The following KANSL1 variants were observed in gnomAD, a reference collection of about 807,000 sequenced individuals.
KANSL1 encodes KAT8 regulatory NSL complex subunit 1.
In KANSL1, 22 loss-of-function variants were observed where a neutral mutation model predicts 103.6. The observed-to-expected ratio is 0.21, with a 90% CI of 0.15 to 0.30. KANSL1 has a LOEUF of 0.30. KANSL1 is among the 10% of genes least tolerant of loss of function. The pLI is 1.00. For synonymous variants in KANSL1, 600 were observed against 527.6 expected, an observed-to-expected ratio of 1.14 and a Z score of -1.88; for missense variants, 1,337 against 1,399.8, an observed-to-expected ratio of 0.96 and a Z score of 0.72.
rs987760670 is a variant in KANSL1, at chr17:46,164,188, G to C, written c.1289+6667C>G. On this transcript the variant is annotated intron_variant, in intron 2 of 14. Transcript: ENST00000432791. ...ATGACTTTAACACTACCATAAAAGA[G>C]TACGTTCACTTCAGAGAACAAAAAC... 1.1e-4 allele frequency among the ~76,000 whole-genome samples: 16 copies of C among 152,348 alleles called. No homozygotes were observed. The South Asian group carries it at 1.4e-3, about 14-fold the overall frequency.
chr17:46,204,178 C>T (rs111575592), intron 1 of KANSL1, among the ~76,000 whole-genome samples: 3,362 of 151,634 alleles, frequency 0.022, no homozygotes, highest in Non-Finnish European at 0.038. Context: ...ACAAAAAGGC[C>T]GGGTGTGGTG....
intron 2 of KANSL1, among the ~76,000 whole-genome samples, chr17:46,144,203 C>A (rs1437571765): frequency 6.6e-6 from 1 of 152,224 alleles, no homozygotes; most frequent in Non-Finnish European, 1.5e-5. Context: ...TTTAAAAATT[C>A]CCATTACTTG....
chr17:46,206,155 C>A (rs2148001779), intron 1 of KANSL1, among the ~76,000 whole-genome samples: 1 of 150,442 alleles, frequency 6.6e-6, no homozygotes, highest in East Asian at 2.0e-4. Context: ...AGATACAACT[C>A]TGTTAAAATG....
At chr17:46,164,999 C>CCTGAGG (rs1427912826) in intron 2 of KANSL1, among the ~76,000 whole-genome samples, 13 of 152,264 alleles carry the variant, frequency 8.5e-5, no homozygotes, top group Admixed American at 7.8e-4. Context: ...CCCAGTTACT[C>CCTGAGG]CTGAGGCTGA....
intron 13 of KANSL1, chr17:46,032,698 A>G (rs926045563): frequency 9.0e-6 from 3 of 332,088 alleles, no homozygotes; most frequent in Non-Finnish European, 1.6e-5. Flanking sequence ...ATGGACGTTA[A>G]GGGGGGGCAG....
chr17:46,210,104 C>T (rs905855145), intron 1 of KANSL1, among the ~76,000 whole-genome samples: 1 of 152,186 alleles, frequency 6.6e-6, no homozygotes, highest in African/African-American at 2.4e-5. Context: ...GCATGAATAA[C>T]CTTCTGAGGA....
chr17:46,056,247 C>T (rs1032576257), intron 6 of KANSL1, among the ~76,000 whole-genome samples: 9 of 152,182 alleles, frequency 5.9e-5, no homozygotes, highest in African/African-American at 2.2e-4. Flanking sequence ...AATCCACCCA[C>T]CTTGGCCTCC....
intron 2 of KANSL1, among the ~76,000 whole-genome samples, chr17:46,096,580 A>G (rs1351161602): frequency 6.6e-6 from 1 of 151,870 alleles, no homozygotes; most frequent in Admixed American, 6.6e-5. Flanking sequence ...TCGACCTCCC[A>G]AAGTGCTGGG....
intron 1 of KANSL1, among the ~76,000 whole-genome samples, chr17:46,186,449 G>A (rs2047039305): frequency 1.3e-5 from 2 of 151,682 alleles, no homozygotes; most frequent in South Asian, 4.2e-4. Flanking sequence ...CCAAATTCCT[G>A]AGTTCCCACT....
chr17:46,054,271 C>A (rs2077836419), intron 6 of KANSL1, among the ~76,000 whole-genome samples: 1 of 152,214 alleles, frequency 6.6e-6, no homozygotes, highest in Non-Finnish European at 1.5e-5. Flanking sequence ...CCAGGCTGGT[C>A]TCAAACTCCT....
intron 2 of KANSL1, among the ~76,000 whole-genome samples, chr17:46,103,879 T>C (rs181595850): frequency 6.6e-6 from 1 of 152,086 alleles, no homozygotes; most frequent in Non-Finnish European, 1.5e-5. Flanking sequence ...TACAAAAAAA[T>C]TGGCCAGGCG....
intron 2 of KANSL1, among the ~76,000 whole-genome samples, chr17:46,167,134 A>AT: frequency 6.6e-6 from 1 of 152,070 alleles, no homozygotes; most frequent in African/African-American, 2.4e-5. Context: ...TAAGAGCACA[A>AT]TTAAGAGAAT....
At chr17:46,176,691 T>TAAA (rs56676109) in intron 1 of KANSL1, among the ~76,000 whole-genome samples, 21,381 of 141,656 alleles carry the variant, frequency 0.15, 2,044 homozygotes, top group Middle Eastern at 0.22. Context: ...GACTCCATCT[T>TAAA]AAAAAAAAAA....
At chr17:46,093,308 T>C (rs898812358) in intron 3 of KANSL1, 1 of 152,610 alleles carries the variant, frequency 6.6e-6, no homozygotes, top group African/African-American at 2.4e-5. Flanking sequence ...GAAAGCAAAA[T>C]ATGCACCAAA....
intron 3 of KANSL1, among the ~76,000 whole-genome samples, chr17:46,086,933 G>GT (rs899347895): frequency 1.3e-4 from 20 of 152,050 alleles, no homozygotes; most frequent in Non-Finnish European, 2.6e-4. Context: ...CGCCTGGCTA[G>GT]TTTTTTGTAT....
At chr17:46,075,028 A>G (rs1235988095) in intron 4 of KANSL1, among the ~76,000 whole-genome samples, 1 of 152,178 alleles carries the variant, frequency 6.6e-6, no homozygotes, top group Non-Finnish European at 1.5e-5. Context: ...GTGGAACGCT[A>G]TACAAAATAA....
chr17:46,118,313 T>C (rs965821492), intron 2 of KANSL1, among the ~76,000 whole-genome samples: 27 of 152,250 alleles, frequency 1.8e-4, no homozygotes, highest in Non-Finnish European at 2.9e-5. Context: ...CTGCCAGCAC[T>C]GGGTCTGCAA....
rs536168681 is a variant in KANSL1, at chr17:46,166,959, G to A, written c.1289+3896C>T. On this transcript the variant is annotated intron_variant, in intron 2 of 14. Transcript: ENST00000432791. Reference sequence around the variant, plus strand: ...TAATCACAATGAAATGTTTTATGAGGTTATTTTTATACTGAACTTCAAGAT... The same window carrying A: ...TAATCACAATGAAATGTTTTATGAGATTATTTTTATACTGAACTTCAAGAT... Among the ~76,000 whole-genome samples, 3 of 151,550 alleles carry A rather than the reference G, an allele frequency of 2.0e-5. No homozygotes were observed. In the South Asian group the frequency reaches 6.2e-4, roughly 31 times the overall value.
intron 2 of KANSL1, among the ~76,000 whole-genome samples, chr17:46,127,909 T>C (rs140626609): frequency 1.3e-5 from 2 of 152,324 alleles, no homozygotes; most frequent in African/African-American, 4.8e-5. Context: ...AACTTAATAC[T>C]TCACCCTCAT....
Sources: allele counts gnomAD v4.1 joint callset (sites outside exome capture counted in the v4.1 genomes callset), GRCh38; gene constraint gnomAD v4.1.1; transcripts MANE v1.5; gene names NCBI Gene and HGNC (gene_info 2026-07-23, HGNC 2026-07-21).